Variants in PCSK9 observed in about 807,000 individuals in gnomAD.
The protein encoded by PCSK9 is convertase subtilisin/kexin type 9 preproprotein.
A neutral mutation model predicts 62.1 loss-of-function variants in PCSK9; 57 were observed. That is an observed-to-expected ratio of 0.92 (90% CI 0.74 to 1.14). PCSK9 has a LOEUF of 1.14. Among genes scored for constraint, PCSK9 ranks in the 50% most tolerant of loss-of-function variants. PCSK9 has a pLI of 0.00. For synonymous variants in PCSK9, 387 were observed against 409.4 expected, an observed-to-expected ratio of 0.95 and a Z score of 0.66; for missense variants, 870 against 959.8, an observed-to-expected ratio of 0.91 and a Z score of 1.24.
In PCSK9 at chr1:55,057,533, G is replaced by A. The variant is rs755767441; in HGVS notation, c.1180+19G>A. ...GTGGCTGGTAAGTCACCACCCCACT[G>A]CCTCGGCCACCGTGATGCTAACAGC... On this transcript the variant is annotated intron_variant, in intron 7 of 11. Transcript: ENST00000302118. 8.1e-6 allele frequency: 13 copies of A among 1,599,122 alleles called. 1 individual carries two copies. In the Admixed American group the frequency reaches 1.7e-4, roughly 21 times the overall value.
At chr1:55,062,983 G>A (rs1417741598) in intron 11 of PCSK9, among the ~76,000 whole-genome samples, 1 of 152,076 alleles carries the variant, frequency 6.6e-6, no homozygotes, top group African/African-American at 2.4e-5. Flanking sequence ...CTGGTGGGTG[G>A]ATGTGGGTGG....
chr1:55,059,764 C>T, intron 10 of PCSK9, 101 bp downstream of exon 10: 1 of 1,423,336 alleles, frequency 7.0e-7, no homozygotes, highest in South Asian at 1.3e-5. Flanking sequence ...CCATGAGACT[C>T]AAGCCTGACT....
At position 55,040,334 on chromosome 1, in the gene PCSK9, G is replaced by T. The variant is rs895098188; in HGVS notation, c.207+290G>T. Among the ~76,000 whole-genome samples, 4 of 152,222 alleles carry T rather than the reference G, an allele frequency of 2.6e-5. No homozygotes were observed. The highest frequency in any genetic ancestry group is 5.9e-5 in the Non-Finnish European group (4 of 68,038). On this transcript the variant is annotated intron_variant, in intron 1 of 11. Coordinates refer to ENST00000302118, the MANE Select transcript of PCSK9 (RefSeq NM_174936.4). This position sits in a 1 kb window ranked among gnomAD's most constrained non-coding sequence, Gnocchi z 4.1. Reference sequence around the variant, plus strand: ...CGGGGTTGGGAGACCCGGAGGCCGAGGAAGGGCGAGCAGAGCACTGCCAGG... The same window carrying T: ...CGGGGTTGGGAGACCCGGAGGCCGATGAAGGGCGAGCAGAGCACTGCCAGG...
chr1:55,055,075 TG>T (rs1028094893), intron 5 of PCSK9, among the ~76,000 whole-genome samples: 1 of 150,266 alleles, frequency 6.7e-6, no homozygotes, highest in Non-Finnish European at 1.5e-5. Context: ...TGCACCAAAA[TG>T]GGGGAGTGGA....
Position 55,043,769 on chromosome 1 carries a change from G to A in PCSK9, c.208-74G>A, listed in dbSNP as rs966788594. 14 of 1,501,092 alleles carry A rather than the reference G, an allele frequency of 9.3e-6. No homozygotes were observed. The African/African-American group carries it at 1.7e-4, about 18-fold the overall frequency. The allele number at this position is 1,501,092 out of a possible 1,614,324, so 93.0% of individuals were successfully genotyped here. On this transcript the variant is annotated intron_variant, in intron 1 of 11. Coordinates refer to ENST00000302118, the MANE Select transcript of PCSK9 (RefSeq NM_174936.4). ...TCTCTTTTGTTGTAATTTGTAAGTA[G>A]GGGTGAGATAAAGTACACCTAGGGT...
chr1:55,053,368 C>T (rs1033102531), intron 5 of PCSK9, among the ~76,000 whole-genome samples: 2 of 152,324 alleles, frequency 1.3e-5, no homozygotes, highest in Admixed American at 1.3e-4. Flanking sequence ...GGAGGGTTCT[C>T]TCCCTTACTG....
At chr1:55,057,302 C>T in intron 6 of PCSK9, 29 bp from the exon 7 acceptor site, 8 of 1,606,876 alleles carry the variant, frequency 5.0e-6, no homozygotes, top group Non-Finnish European at 6.8e-6. Flanking sequence ...GGGCTCCTTT[C>T]TCTGCCACCC....
chr1:55,043,985 G>A lies in PCSK9; in HGVS notation c.350G>A (p.Gly117Asp), dbSNP rs761417131. ...ACCAAGATCCTGCATGTCTTCCATG[G>A]CCTTCTTCCTGGCTTCCTGGTGAAG... ...YLTKILHVFH[G>D]LLPGFLVKMS... The change falls in exon 2 of 12, where the codon GGC (glycine) becomes GAC (aspartate). Residue 117 changes from glycine (G) to aspartate (D), a missense_variant. Physicochemically the swap from Gly to Asp is moderately conservative, Grantham distance 94 (BLOSUM62 -1). Coordinates refer to ENST00000302118, the MANE Select transcript of PCSK9 (RefSeq NM_174936.4). The A allele has an allele frequency of 6.8e-6, 11 of 1,614,202 alleles. No individual in the cohort carries two copies.
Position 55,040,163 on chromosome 1 carries a change from G to T in PCSK9, c.207+119G>T. 6 of 1,337,762 alleles carry T rather than the reference G, an allele frequency of 4.5e-6. No homozygotes were observed. The highest frequency in any genetic ancestry group is 6.1e-6 in the Non-Finnish European group (6 of 979,980). 82.9% of individuals were successfully genotyped at this position (1,337,762 alleles called of 1,614,324 possible). Reference sequence around the variant, plus strand: ...GAGGAAGTGGAGTGCAGGTCGCCGAGGGCTCTTCGCTTGGCACGATCTTGG... The same window carrying T: ...GAGGAAGTGGAGTGCAGGTCGCCGATGGCTCTTCGCTTGGCACGATCTTGG... On this transcript the variant is annotated intron_variant, in intron 1 of 11. Transcript: ENST00000302118. The surrounding 1 kb of genome is among the most constrained non-coding windows in gnomAD (Gnocchi z 4.1).
chr1:55,052,999 T>G (rs1419798312), intron 5 of PCSK9, among the ~76,000 whole-genome samples: 1 of 152,208 alleles, frequency 6.6e-6, no homozygotes, highest in African/African-American at 2.4e-5. Context: ...AAGAGGGTCA[T>G]GCAGGTAGCC....
intron 2 of PCSK9, among the ~76,000 whole-genome samples, chr1:55,045,170 C>G (rs1234248486): frequency 6.6e-6 from 1 of 152,108 alleles, no homozygotes; most frequent in Non-Finnish European, 1.5e-5. Flanking sequence ...CACCAGATGA[C>G]AGGCACGAGC....
chr1:55,039,981 G>A lies in PCSK9; in HGVS notation c.144G>A (p.Glu48=). 1 of 1,581,440 alleles carries A rather than the reference G, an allele frequency of 6.3e-7. No homozygotes were observed. The highest frequency in any genetic ancestry group is 2.3e-5 in the East Asian group (1 of 43,130). ...AGCTGGTGCTAGCCTTGCGTTCCGA[G>A]GAGGACGGCCTGGCCGAAGCACCCG... ...YEELVLALRS[E]EDGLAEAPEH... The change falls in exon 1 of 12, where the codon GAG becomes GAA. Residue 48 remains glutamate (E), a synonymous_variant. Transcript: ENST00000302118.
chr1:55,039,871 C>A lies in PCSK9; in HGVS notation c.34C>A (p.Pro12Thr), dbSNP rs968023760. The A allele has an allele frequency of 8.3e-6, 13 of 1,561,934 alleles. No homozygotes were observed. Among genetic ancestry groups the A allele is most frequent in the Non-Finnish European group, 1.1e-5 (13 of 1,154,444 alleles). ...CGTCAGCTCCAGGCGGTCCTGGTGG[C>A]CGCTGCCACTGCTGCTGCTGCTGCT... ...GTVSSRRSWWPLPLLLLLLLL... is the reference protein window; with the variant it reads ...GTVSSRRSWWTLPLLLLLLLL... The change falls in exon 1 of 12, where the codon CCG becomes ACG. Residue 12 changes from proline (P) to threonine (T), a missense_variant. By Grantham distance (38) the Pro-to-Thr change is conservative (BLOSUM62 -1). Transcript: ENST00000302118.
At chr1:55,057,852 G>A (rs1031134167) in intron 7 of PCSK9, among the ~76,000 whole-genome samples, 184 bp from the exon 8 acceptor site, 2 of 152,234 alleles carry the variant, frequency 1.3e-5, no homozygotes, top group East Asian at 3.8e-4. Flanking sequence ...TTAGAGGTGT[G>A]AGAGGAGGCT....
intron 9 of PCSK9, 72 bp from the exon 10 acceptor site, chr1:55,059,414 C>A: frequency 6.6e-7 from 1 of 1,524,328 alleles, no homozygotes; most frequent in Non-Finnish European, 8.9e-7. Context: ...TTGAGTTGAT[C>A]CTGTCTAGTC....
intron 3 of PCSK9, among the ~76,000 whole-genome samples, chr1:55,050,406 G>C (rs566484618): frequency 6.6e-6 from 1 of 152,210 alleles, no homozygotes; most frequent in East Asian, 1.9e-4. Context: ...AGCTCACAGC[G>C]CTCTCAGCCA....
At position 55,056,014 on chromosome 1, in the gene PCSK9, G is replaced by A. The variant is rs1260868962; in HGVS notation, c.821G>A (p.Ser274Asn). The A allele has an allele frequency of 9.9e-6, 16 of 1,610,080 alleles. 1 individual carries two copies. The South Asian group carries it at 1.7e-4, about 17-fold the overall frequency. Residue 274 changes from serine to asparagine, a missense_variant, in exon 6 of 12, where the codon AGC becomes AAC. Coordinates refer to ENST00000302118, the MANE Select transcript of PCSK9 (RefSeq NM_174936.4). ...CCAGGCCTGGAGTTTATTCGGAAAA[G>A]CCAGCTGGTCCAGCCTGTGGGGCCA... Reference protein sequence around the residue: ...TLIGLEFIRKSQLVQPVGPLV... With the variant: ...TLIGLEFIRKNQLVQPVGPLV...
At chr1:55,047,511 T>C (rs1332145377) in intron 3 of PCSK9, among the ~76,000 whole-genome samples, 2 of 152,194 alleles carry the variant, frequency 1.3e-5, no homozygotes, top group African/African-American at 2.4e-5. Flanking sequence ...CGTTCTTGTC[T>C]GTAAAATGGG....
intron 6 of PCSK9, among the ~76,000 whole-genome samples, chr1:55,056,867 G>C (rs1474757061): frequency 6.6e-6 from 1 of 152,142 alleles, no homozygotes; most frequent in Non-Finnish European, 1.5e-5. Flanking sequence ...GTGTGTGTGC[G>C]TGCGCGCGCG....
Sources: allele counts gnomAD v4.1 joint callset (sites outside exome capture counted in the v4.1 genomes callset), GRCh38; gene constraint gnomAD v4.1.1; non-coding constraint Gnocchi (gnomAD v3.1); transcripts MANE v1.5; gene names NCBI Gene and HGNC (gene_info 2026-07-23, HGNC 2026-07-21).